The following TMEFF2 variants were observed in gnomAD, a reference collection of about 807,000 sequenced individuals.
The protein encoded by TMEFF2 is transmembrane protein with EGF like and two follistatin like domains 2, also known as tomoregulin-2.
A neutral mutation model predicts 53.8 loss-of-function variants in TMEFF2; 28 were observed. That is an observed-to-expected ratio of 0.52 (90% CI 0.39 to 0.71). TMEFF2 has a LOEUF of 0.71. Among genes scored for constraint, TMEFF2 ranks in the 30% least tolerant of loss-of-function variants. The pLI, the probability that TMEFF2 is intolerant of heterozygous loss-of-function variation, is 0.00. For synonymous variants in TMEFF2, 162 were observed against 166.3 expected, an observed-to-expected ratio of 0.97 and a Z score of 0.20; for missense variants, 353 against 455.2, an observed-to-expected ratio of 0.78 and a Z score of 2.04.
In TMEFF2 at chr2:191,949,981, TAC is replaced by T. The variant is rs1244615146; in HGVS notation, c.*328_*329del. 3.3e-5 allele frequency: 36 copies of T among 1,092,002 alleles called. No individual in the cohort carries two copies. The South Asian group carries it at 8.6e-4, about 26-fold the overall frequency. 67.6% of individuals were successfully genotyped at this position (1,092,002 alleles called of 1,614,324 possible). ...CAGATTGTACTAGTCTGATTATATT[TAC>T]AGTTATGAGATACCGCAAATTTAAG... On this transcript the variant is annotated 3_prime_UTR_variant, in exon 10 of 10. Transcript: ENST00000272771.
chr2:191,949,787 G>A lies in TMEFF2; in HGVS notation c.*524C>T. ...GTTGATGAAATAGAGATGATTCAAA[G>A]ATCGGAAATATTTTATCCTCACTCG... On this transcript the variant is annotated 3_prime_UTR_variant, in exon 10 of 10. Transcript: ENST00000272771. 4 of 985,246 alleles carry A rather than the reference G, an allele frequency of 4.1e-6. No homozygotes were observed. The highest frequency in any genetic ancestry group is 3.6e-6 in the Non-Finnish European group (3 of 829,760). The allele number at this position is 985,246 out of a possible 1,614,324, so 61.0% of individuals were successfully genotyped here. A position where few individuals can be genotyped will look rare whatever the true frequency, so the allele number is the denominator to read the frequency against.
chr2:191,950,170 TGTA>T lies in TMEFF2; in HGVS notation c.*138_*140del. 1 of 1,464,672 alleles carries T rather than the reference TGTA, an allele frequency of 6.8e-7. No homozygotes were observed. Among genetic ancestry groups the T allele is most frequent in the East Asian group, 2.4e-5 (1 of 41,234 alleles). The allele number at this position is 1,464,672 out of a possible 1,614,324, so 90.7% of individuals were successfully genotyped here. ...ATATCCATACATAATCAAATATAGC[TGTA>T]GTACATGTTTTCATTGGTGTAGATT... is the stretch of plus-strand genomic sequence containing the variant. On this transcript the variant is annotated 3_prime_UTR_variant, in exon 10 of 10. Transcript: ENST00000272771.
rs1395632581 is a variant in TMEFF2 at position 191,972,310 on chromosome 2, T to C, written c.746-15932A>G. Among the ~76,000 whole-genome samples, 439 of 125,984 alleles carry C rather than the reference T, an allele frequency of 3.5e-3. 8 individuals carry two copies. The highest frequency in any genetic ancestry group is 0.013 in the African/African-American group (419 of 33,372). The allele number at this position is 125,984 out of a possible 152,430, so 82.7% of individuals were successfully genotyped here. A position where few individuals can be genotyped will look rare whatever the true frequency, so the allele number is the denominator to read the frequency against. On this transcript the variant is annotated intron_variant, in intron 7 of 9. Transcript: ENST00000272771. ...CAGGCACCCACCATCATGCCCAGCT[T>C]TTTTTTTTTTTTTTTTTTTTTTTTT...
intron 5 of TMEFF2, among the ~76,000 whole-genome samples, chr2:192,010,295 T>A (rs546113848): frequency 7.4e-4 from 113 of 152,328 alleles, no homozygotes; most frequent in Non-Finnish European, 1.2e-3. Context: ...GAGAGAGGAC[T>A]GTGTGGTCAG....
chr2:192,119,820 G>T (rs1372066716), intron 4 of TMEFF2, among the ~76,000 whole-genome samples: 1 of 152,170 alleles, frequency 6.6e-6, no homozygotes, highest in Non-Finnish European at 1.5e-5. Context: ...ACATGTAGGT[G>T]TTGTATGCCT....
At chr2:192,001,817 AC>A (rs1559079832) in intron 5 of TMEFF2, among the ~76,000 whole-genome samples, 2 of 151,880 alleles carry the variant, frequency 1.3e-5, no homozygotes, top group Non-Finnish European at 2.9e-5. Context: ...AGTCCATTAA[AC>A]CTCTTTCTTT....
intron 5 of TMEFF2, among the ~76,000 whole-genome samples, chr2:192,055,899 C>T (rs1687897434): frequency 6.6e-6 from 1 of 152,064 alleles, no homozygotes; most frequent in South Asian, 2.1e-4. Flanking sequence ...CTCCTAGCTG[C>T]CCATTGGCTA....
chr2:192,060,253 A>G (rs140632730), intron 4 of TMEFF2, among the ~76,000 whole-genome samples: 36 of 152,200 alleles, frequency 2.4e-4, no homozygotes, highest in African/African-American at 7.0e-4. Context: ...AGTGCACAGG[A>G]AGCACCTAGA....
At chr2:192,035,718 G>A (rs567650727) in intron 5 of TMEFF2, among the ~76,000 whole-genome samples, 2 of 152,194 alleles carry the variant, frequency 1.3e-5, no homozygotes, top group Admixed American at 1.3e-4. Flanking sequence ...CTGAACTCCT[G>A]CAGCTCTTTC....
intron 4 of TMEFF2, among the ~76,000 whole-genome samples, chr2:192,136,997 G>T (rs1452998269): frequency 5.3e-5 from 8 of 152,184 alleles, no homozygotes; most frequent in Admixed American, 5.2e-4. Flanking sequence ...GGAAAGAGAA[G>T]AAATGATTAA....
At chr2:191,970,335 G>C (rs1044055805) in intron 7 of TMEFF2, among the ~76,000 whole-genome samples, 6 of 151,882 alleles carry the variant, frequency 4.0e-5, no homozygotes, top group African/African-American at 1.4e-4. Flanking sequence ...CATTCACCTG[G>C]AACCTCAGAA....
At chr2:192,151,558 T>C (rs760964988) in intron 4 of TMEFF2, among the ~76,000 whole-genome samples, 39 of 152,026 alleles carry the variant, frequency 2.6e-4, no homozygotes, top group Non-Finnish European at 4.4e-4. Context: ...TTTATTTGTT[T>C]GTTTTTTTAA....
intron 4 of TMEFF2, among the ~76,000 whole-genome samples, chr2:192,093,773 G>A (rs1688844040): frequency 6.6e-6 from 1 of 150,914 alleles, no homozygotes; most frequent in Admixed American, 6.6e-5. Flanking sequence ...AAGCCTTTGT[G>A]ATTACGTTTA....
intron 4 of TMEFF2, among the ~76,000 whole-genome samples, chr2:192,172,853 A>C (rs185971974): frequency 2.1e-4 from 32 of 152,054 alleles, no homozygotes; most frequent in Non-Finnish European, 3.2e-4. Flanking sequence ...GTTGCAAAGA[A>C]GTACAAGAGG....
chr2:192,090,507 C>T (rs1688766066), intron 4 of TMEFF2, among the ~76,000 whole-genome samples: 1 of 152,040 alleles, frequency 6.6e-6, no homozygotes, highest in African/African-American at 2.4e-5. Flanking sequence ...GCCAGGAGGA[C>T]AATCAGTCAA....
intron 3 of TMEFF2, among the ~76,000 whole-genome samples, chr2:192,181,943 G>A (rs941037893): frequency 6.6e-6 from 1 of 151,664 alleles, no homozygotes; most frequent in African/African-American, 2.4e-5. Context: ...AAGTCATCCT[G>A]GCCAACTGAT....
At chr2:192,192,723 A>G (rs1691492780) in intron 1 of TMEFF2, among the ~76,000 whole-genome samples, 1 of 152,230 alleles carries the variant, frequency 6.6e-6, no homozygotes, top group South Asian at 2.1e-4. Flanking sequence ...TCCTAAAACA[A>G]TGCAAGGGCT....
At chr2:191,988,861 C>G (rs1342647232) in intron 7 of TMEFF2, among the ~76,000 whole-genome samples, 1 of 152,014 alleles carries the variant, frequency 6.6e-6, no homozygotes, top group Non-Finnish European at 1.5e-5. Flanking sequence ...GTAACGCTAT[C>G]AAACATTGAT....
intron 5 of TMEFF2, among the ~76,000 whole-genome samples, chr2:192,025,682 G>A (rs1478721418): frequency 6.6e-6 from 1 of 152,130 alleles, no homozygotes; most frequent in Non-Finnish European, 1.5e-5. Context: ...TTCGGCATAT[G>A]TCTTTTTAAA....
Sources: gnomAD v4.1 joint callset for allele counts (sites outside exome capture counted in the v4.1 genomes callset) on GRCh38, gnomAD v4.1.1 for gene constraint, MANE v1.5 for transcripts, NCBI Gene and HGNC (gene_info 2026-07-23, HGNC 2026-07-21) for gene names.